PTK7: variants seen among roughly 807,000 people sequenced by gnomAD.
PTK7 encodes inactive tyrosine-protein kinase 7.
Under a neutral mutation model 116.6 loss-of-function variants are expected in PTK7, and 39 were observed. That is an observed-to-expected ratio of 0.33 (90% CI 0.26 to 0.44). PTK7 has a LOEUF of 0.44. PTK7 is among the 20% of genes least tolerant of loss of function. PTK7 has a pLI of 1.00. For missense variants in PTK7, 1,169 were observed against 1,425.6 expected (o/e 0.82, Z 2.90); for synonymous variants, 546 against 563.6 (o/e 0.97, Z 0.44).
Position 43,110,626 on chromosome 6 carries a change from T to G in PTK7, c.80-18351T>G, listed in dbSNP as rs189814624. 2.6e-5 allele frequency among the ~76,000 whole-genome samples: 4 copies of G among 151,162 alleles called. No homozygotes were observed. In the East Asian group the frequency reaches 6.0e-4, roughly 23 times the overall value. ...ACAGGGTTTCACCATGTTAGGCTGG[T>G]TTTGAGCTCCTGTCCTCAGGTGATC... On this transcript the variant is annotated intron_variant, in intron 1 of 19. Coordinates refer to ENST00000230419, the MANE Select transcript of PTK7 (RefSeq NM_002821.5).
In PTK7 at chr6:43,076,849, G is replaced by C; in HGVS notation, c.79+282G>C. The C allele has an allele frequency of 1.4e-6, 2 of 1,453,674 alleles. No individual in the cohort carries two copies. Among genetic ancestry groups the C allele is most frequent in the Non-Finnish European group, 1.8e-6 (2 of 1,099,782 alleles). 90.0% of individuals were successfully genotyped at this position (1,453,674 alleles called of 1,614,324 possible). ...TCTGGTCTGAGCCGAGAGTTTGCTCGAGAACTGCCGAGAGTTGCTGGCTCT... is the reference window on the plus strand; with the variant it reads ...TCTGGTCTGAGCCGAGAGTTTGCTCCAGAACTGCCGAGAGTTGCTGGCTCT... On this transcript the variant is annotated intron_variant, in intron 1 of 19. Coordinates refer to ENST00000230419, the MANE Select transcript of PTK7 (RefSeq NM_002821.5). The surrounding 1 kb of genome is among the most constrained non-coding windows in gnomAD (Gnocchi z 5.7).
chr6:43,115,601 G>A (rs963507742), intron 1 of PTK7, among the ~76,000 whole-genome samples: 19 of 152,066 alleles, frequency 1.2e-4, no homozygotes, highest in African/African-American at 3.6e-4. Context: ...AGATGGCTGC[G>A]AGGAGAGCTT....
intron 1 of PTK7, among the ~76,000 whole-genome samples, chr6:43,089,527 A>T (rs116450546): frequency 0.022 from 3,346 of 152,380 alleles, 56 homozygotes; most frequent in Non-Finnish European, 0.034. Flanking sequence ...GGGGGGAGAA[A>T]AAAAGGAAAT....
intron 1 of PTK7, among the ~76,000 whole-genome samples, chr6:43,118,749 A>G (rs574331790): frequency 1.1e-3 from 125 of 118,744 alleles, no homozygotes; most frequent in Admixed American, 2.3e-3. Context: ...ATGTGTGTGT[A>G]TGTGTGTGTG....
Position 43,144,491 on chromosome 6 carries a change from A to T in PTK7, c.2292A>T (p.Gln764His). The change falls in exon 15 of 20, where the codon CAA (glutamine) becomes CAT (histidine). Residue 764 changes from glutamine to histidine, a missense_variant. Gln to His is a conservative substitution (Grantham distance 24, BLOSUM62 0). Transcript: ENST00000230419. ...LQNGQPSAEI[Q>H]EEVALTSLGS... ...ACGGGCAGCCCTCAGCAGAGATCCA[A>T]GAAGAAGTGGCCTTGACCAGCTTGG... 6.2e-7 allele frequency: 1 copy of T among 1,614,120 alleles called. No individual in the cohort carries two copies. The highest frequency in any genetic ancestry group is 1.1e-5 in the South Asian group (1 of 91,080).
At chr6:43,128,947 A>T in intron 1 of PTK7, 30 bp from the exon 2 acceptor site, 1 of 1,573,802 alleles carries the variant, frequency 6.4e-7, no homozygotes, top group Non-Finnish European at 8.6e-7. Context: ...GCTCCCCCTG[A>T]CCCTGCCTCT....
chr6:43,083,735 A>T (rs1470727574), intron 1 of PTK7, among the ~76,000 whole-genome samples: 1 of 152,138 alleles, frequency 6.6e-6, no homozygotes, highest in African/African-American at 2.4e-5. Context: ...TGTTGAGTGA[A>T]CGCTCAGGTG....
chr6:43,138,755 G>T, intron 7 of PTK7, 94 bp from the exon 8 acceptor site: 1 of 1,479,042 alleles, frequency 6.8e-7, no homozygotes, highest in Non-Finnish European at 9.0e-7. Context: ...TCTGAACTCA[G>T]GGCCTAGAAT....
At position 43,143,643 on chromosome 6, in the gene PTK7, G is replaced by A. The variant is rs773616184; in HGVS notation, c.2251+23G>A. On this transcript the variant is annotated intron_variant, in intron 14 of 19. Coordinates refer to ENST00000230419, the MANE Select transcript of PTK7 (RefSeq NM_002821.5). This position sits in a 1 kb window ranked among gnomAD's most constrained non-coding sequence, Gnocchi z 4.2. ...ACGGTGAGGGGCCCTGGACGGGGAG[G>A]TGGTGCCCGTGTGCGGGAGCTGAGC... 11 of 1,601,448 alleles carry A rather than the reference G, an allele frequency of 6.9e-6. No individual in the cohort carries two copies. The highest frequency in any genetic ancestry group is 9.4e-6 in the Non-Finnish European group (11 of 1,175,356).
Position 43,144,501 on chromosome 6 carries a change from G to A in PTK7, c.2302G>A (p.Ala768Thr). 6.2e-7 allele frequency: 1 copy of A among 1,614,126 alleles called. No homozygotes were observed. The highest frequency in any genetic ancestry group is 8.5e-7 in the Non-Finnish European group (1 of 1,180,016). The change falls in exon 15 of 20, where the codon GCC becomes ACC. Residue 768 changes from alanine to threonine, a missense_variant. Ala to Thr is a moderately conservative substitution (Grantham distance 58, BLOSUM62 0). Transcript: ENST00000230419. ...QPSAEIQEEV[A>T]LTSLGSGPAA... The stretch of plus-strand genomic sequence containing the variant: ...CTCAGCAGAGATCCAAGAAGAAGTG[G>A]CCTTGACCAGCTTGGGCTCCGGCCC...
rs776571643 is a variant in PTK7, at chr6:43,141,651, CTT to C, written c.1619-15_1619-14del. 2.5e-6 allele frequency: 4 copies of C among 1,611,782 alleles called. No homozygotes were observed. The highest frequency in any genetic ancestry group is 1.1e-5 in the South Asian group (1 of 90,984). On this transcript the variant is annotated splice_polypyrimidine_tract_variant and intron_variant, in intron 10 of 19. Transcript: ENST00000230419. This position sits in a 1 kb window ranked among gnomAD's most constrained non-coding sequence, Gnocchi z 4.9. Reference sequence around the variant, plus strand: ...AACCCTGATCCTTCCCATAATTTCCCTTTGTTACCCCTGCAGATGGGAGCAGC... The same window carrying C: ...AACCCTGATCCTTCCCATAATTTCCCTGTTACCCCTGCAGATGGGAGCAGC...
chr6:43,100,847 G>A (rs548709228), intron 1 of PTK7, among the ~76,000 whole-genome samples: 1 of 152,010 alleles, frequency 6.6e-6, no homozygotes, highest in Non-Finnish European at 1.5e-5. Context: ...TGATTAGCTG[G>A]TCCTTAATAC....
At chr6:43,108,476 T>C (rs537859447) in intron 1 of PTK7, among the ~76,000 whole-genome samples, 1 of 151,310 alleles carries the variant, frequency 6.6e-6, no homozygotes, top group Admixed American at 6.6e-5. Context: ...CACAGCTCAC[T>C]GCAGCCTCCA....
At chr6:43,108,039 A>C (rs1247188201) in intron 1 of PTK7, among the ~76,000 whole-genome samples, 1 of 151,732 alleles carries the variant, frequency 6.6e-6, no homozygotes, top group Non-Finnish European at 1.5e-5. Context: ...TTGGTGGCAC[A>C]TTGTTATCTA....
At chr6:43,117,326 G>A (rs1025908312) in intron 1 of PTK7, among the ~76,000 whole-genome samples, 18 of 152,156 alleles carry the variant, frequency 1.2e-4, no homozygotes, top group South Asian at 8.3e-4. Flanking sequence ...TTGCAGGACC[G>A]TTCACATGAG....
Position 43,130,288 on chromosome 6 carries a change from A to G in PTK7, c.529A>G (p.Thr177Ala). 1 of 1,610,416 alleles carries G rather than the reference A, an allele frequency of 6.2e-7. No individual in the cohort carries two copies. Among genetic ancestry groups the G allele is most frequent in the Non-Finnish European group, 8.5e-7 (1 of 1,177,570 alleles). The change falls in exon 4 of 20, where the codon ACA (threonine) becomes GCA (alanine). Residue 177 changes from threonine to alanine, a missense_variant. By Grantham distance (58) the Thr-to-Ala change is moderately conservative (BLOSUM62 0). Around this residue, in one of 3 missense-constraint regions of PTK7, gnomAD observed 487 missense variants for 549.8 expected, o/e 0.89. Coordinates refer to ENST00000230419, the MANE Select transcript of PTK7 (RefSeq NM_002821.5). ...CCTTTCTGATGGTCAGAGCAACCAC[A>G]CAGTCAGCAGCAAGGAGCGGAACCT... ...TPLSDGQSNH[T>A]VSSKERNLTL... is the part of the protein sequence containing the mutation.
intron 19 of PTK7, 83 bp downstream of exon 19, chr6:43,160,049 C>A (rs1771756745): frequency 2.8e-6 from 4 of 1,433,424 alleles, no homozygotes; most frequent in Non-Finnish European, 3.8e-6. Flanking sequence ...GTTCAGCCTA[C>A]CTCCCTCTCA....
In PTK7 at chr6:43,106,984, G is replaced by A. The variant is rs930664387; in HGVS notation, c.80-21993G>A. Among the ~76,000 whole-genome samples the A allele has an allele frequency of 4.0e-5, 6 of 149,824 alleles. No individual in the cohort carries two copies. The South Asian group carries it at 1.0e-3, about 26-fold the overall frequency. On this transcript the variant is annotated intron_variant, in intron 1 of 19. Transcript: ENST00000230419. ...GTCACCCAGGCTGGAGTGCAGTGGC[G>A]CCATCTCGGCTCACTGCAAGCTCCA... is the stretch of plus-strand genomic sequence containing the variant.
chr6:43,098,570 G>A (rs1432419288), intron 1 of PTK7, among the ~76,000 whole-genome samples: 3 of 151,880 alleles, frequency 2.0e-5, no homozygotes, highest in Non-Finnish European at 4.4e-5. Context: ...TGTCTAGGCT[G>A]GTCTCGAACT....
Sources: allele counts gnomAD v4.1 joint callset (sites outside exome capture counted in the v4.1 genomes callset), GRCh38; gene constraint gnomAD v4.1.1; regional missense constraint gnomAD v4.1.1; non-coding constraint Gnocchi (gnomAD v3.1); transcripts MANE v1.5; gene names NCBI Gene and HGNC (gene_info 2026-07-23, HGNC 2026-07-21).